Variants in MR1 observed in about 807,000 individuals in gnomAD.
MR1 encodes major histocompatibility complex, class I-related.
A neutral mutation model predicts 37.8 loss-of-function variants in MR1; 44 were observed. That is an observed-to-expected ratio of 1.16 (90% CI 0.91 to 1.50). The LOEUF is 1.50. Among genes scored for constraint, MR1 ranks in the 40% most tolerant of loss-of-function variants. The probability of loss-of-function intolerance (pLI) is 0.00; values close to 1 mark genes in which losing one functional copy is unlikely to be tolerated. For missense variants in MR1, 386 were observed against 419.1 expected (o/e 0.92, Z 0.69); for synonymous variants, 153 against 155.8 (o/e 0.98, Z 0.13).
At chr1:181,042,290 C>T (rs556739156) in intron 1 of MR1, among the ~76,000 whole-genome samples, 32 of 151,022 alleles carry the variant, frequency 2.1e-4, no homozygotes, top group African/African-American at 7.8e-4. Context: ...ACAACCTCCA[C>T]CTCCCAGGTT....
Position 181,050,251 on chromosome 1 carries a change from T to G in MR1, c.569T>G (p.Phe190Cys), listed in dbSNP as rs1393402286. 1 of 1,614,108 alleles carries G rather than the reference T, an allele frequency of 6.2e-7. No homozygotes were observed. Among genetic ancestry groups the G allele is most frequent in the Non-Finnish European group, 8.5e-7 (1 of 1,180,044 alleles). Residue 190 changes from phenylalanine (F) to cysteine (C), a missense_variant, in exon 3 of 6, where the codon TTC becomes TGC. Coordinates refer to ENST00000367580, the MANE Select transcript of MR1 (RefSeq NM_001385161.1). ...GAATGTATTGCCTGGCTAAAGAGAT[T>G]CCTGGAGTATGGGAAAGACACCCTA... ...EEECIAWLKR[F>C]LEYGKDTLQR...
At chr1:181,050,424 C>A in intron 3 of MR1, 138 bp downstream of exon 3, 1 of 1,125,350 alleles carries the variant, frequency 8.9e-7, no homozygotes. Context: ...ATGGCTAGAG[C>A]CCCCACGAAA....
chr1:181,047,975 T>G (rs1658004315), intron 1 of MR1, among the ~76,000 whole-genome samples: 1 of 151,446 alleles, frequency 6.6e-6, no homozygotes, highest in African/African-American at 2.4e-5. Flanking sequence ...CCCAGCACTT[T>G]GGGAGGCCGA....
intron 5 of MR1, 108 bp downstream of exon 5, chr1:181,053,785 C>G: frequency 1.2e-6 from 1 of 809,530 alleles, no homozygotes; most frequent in Non-Finnish European, 2.1e-6. Flanking sequence ...TGGCTTGGCT[C>G]TCAGGCTGGG....
At chr1:181,045,948 G>A (rs923393790) in intron 1 of MR1, among the ~76,000 whole-genome samples, 3 of 152,258 alleles carry the variant, frequency 2.0e-5, no homozygotes, top group African/African-American at 4.8e-5. Context: ...CTGCCGGCCC[G>A]GGCAATGAGG....
rs747614593 is a variant in MR1, at chr1:181,049,200, G to A, written c.216G>A (p.Met72Ile). The A allele has an allele frequency of 6.2e-7, 1 of 1,614,206 alleles. No individual in the cohort carries two copies. Residue 72 changes from methionine (M) to isoleucine (I), a missense_variant, in exon 2 of 6, where the codon ATG (methionine) becomes ATA (isoleucine). Coordinates refer to ENST00000367580, the MANE Select transcript of MR1 (RefSeq NM_001385161.1). The stretch of plus-strand genomic sequence containing the variant: ...AGAAGGAGCCACGGGCCCCATGGAT[G>A]GCAGAGAACCTCGCGCCTGATCACT... The part of the protein sequence containing the change: ...TRQKEPRAPW[M>I]AENLAPDHWE...
intron 1 of MR1, among the ~76,000 whole-genome samples, chr1:181,035,411 T>C (rs772587817): frequency 6.6e-6 from 1 of 152,120 alleles, no homozygotes; most frequent in African/African-American, 2.4e-5. Flanking sequence ...CTTTGGGGGA[T>C]ATGGCAGCGA....
intron 1 of MR1, among the ~76,000 whole-genome samples, chr1:181,040,766 T>TAAA (rs1024735712): frequency 7.3e-6 from 1 of 137,796 alleles, no homozygotes; most frequent in East Asian, 2.1e-4. Flanking sequence ...AGATTGAAGT[T>TAAA]AAAAAAAAAA....
chr1:181,050,477 A>G lies in MR1; in HGVS notation c.604+191A>G, dbSNP rs187308863. On this transcript the variant is annotated intron_variant, in intron 3 of 5. Transcript: ENST00000367580. Reference sequence around the variant, plus strand: ...TTGAGCAGCATCTTGACAAGATTTGACAGTTCCCCTTGTCTTGACAGAGTG... The same window carrying G: ...TTGAGCAGCATCTTGACAAGATTTGGCAGTTCCCCTTGTCTTGACAGAGTG... The G allele has an allele frequency of 9.5e-5, 64 of 670,954 alleles. 1 individual carries two copies. The highest frequency in any genetic ancestry group is 2.6e-4 in the Admixed American group (9 of 34,848). 41.6% of individuals were successfully genotyped at this position (670,954 alleles called of 1,614,324 possible). A position where few individuals can be genotyped will look rare whatever the true frequency, so the allele number is the denominator to read the frequency against.
chr1:181,052,668 C>A (rs1658388506), intron 4 of MR1, among the ~76,000 whole-genome samples, 158 bp downstream of exon 4: 1 of 152,148 alleles, frequency 6.6e-6, no homozygotes, highest in African/African-American at 2.4e-5. Flanking sequence ...CTTTTTGGAA[C>A]CAGGACGCCT....
intron 4 of MR1, 76 bp from the exon 5 acceptor site, chr1:181,053,497 A>G (rs925942252): frequency 9.0e-7 from 1 of 1,106,144 alleles, no homozygotes; most frequent in Non-Finnish European, 1.4e-6. Context: ...TGATGATCAC[A>G]GGGACAAAAG....
intron 3 of MR1, among the ~76,000 whole-genome samples, chr1:181,051,925 C>T (rs898394897): frequency 1.3e-5 from 2 of 152,136 alleles, no homozygotes; most frequent in African/African-American, 4.8e-5. Context: ...TTTTCCTTGA[C>T]ACATAAAGGT....
At chr1:181,051,308 G>A (rs774732158) in intron 3 of MR1, 2 of 151,754 alleles carry the variant, frequency 1.3e-5, no homozygotes, top group Non-Finnish European at 2.9e-5. Context: ...AAAGGATCTT[G>A]GATTAATTTC....
At chr1:181,050,330 C>CTG in intron 3 of MR1, 44 bp downstream of exon 3, 1 of 1,610,030 alleles carries the variant, frequency 6.2e-7, no homozygotes, top group Non-Finnish European at 8.5e-7. Context: ...GCCTGAACAA[C>CTG]TGTTTTTATA....
chr1:181,050,592 A>G, intron 3 of MR1: 1 of 377,866 alleles, frequency 2.6e-6, no homozygotes, highest in South Asian at 2.5e-5. Context: ...TCTTTGGGAG[A>G]TAGAGCAATT....
Position 181,057,950 on chromosome 1 carries a change from T to C in MR1, c.*2685T>C, listed in dbSNP as rs7541386. ...GCTTGAACCCGGGAGGCAGAGGTTG[T>C]GGTGAGCCGAGATCGCGCCATCGCA... On this transcript the variant is annotated 3_prime_UTR_variant, in exon 6 of 6. Transcript: ENST00000367580. 100,661 of 152,190 alleles carry C rather than the reference T, an allele frequency of 0.66. 34,189 individuals are homozygous for C. The highest frequency in any genetic ancestry group is 0.92 in the East Asian group (4,767 of 5,196). The allele number at this position is 152,190 out of a possible 1,614,324, so 9.4% of individuals were successfully genotyped here.
chr1:181,048,757 C>T (rs1658088885), intron 1 of MR1, among the ~76,000 whole-genome samples: 1 of 152,210 alleles, frequency 6.6e-6, no homozygotes, highest in Admixed American at 6.5e-5. Context: ...TCCCTTCCCC[C>T]TACAACCATA....
chr1:181,036,642 G>A (rs541018321), intron 1 of MR1, among the ~76,000 whole-genome samples: 1 of 152,184 alleles, frequency 6.6e-6, no homozygotes, highest in Non-Finnish European at 1.5e-5. Flanking sequence ...TCCACAGCCT[G>A]CAGTTGACTC....
Position 181,055,417 on chromosome 1 carries a change from G to A in MR1, c.*152G>A. The A allele has an allele frequency of 1.5e-6, 1 of 661,738 alleles. No individual in the cohort carries two copies. The highest frequency in any genetic ancestry group is 2.6e-6 in the Non-Finnish European group (1 of 380,820). The allele number at this position is 661,738 out of a possible 1,614,324, so 41.0% of individuals were successfully genotyped here. A position where few individuals can be genotyped will look rare whatever the true frequency, so the allele number is the denominator to read the frequency against. The stretch of plus-strand genomic sequence containing the variant: ...GAGCATTTATGGCAGCAACAGAGGA[G>A]CCACAAAATGTTCTTTGTTCTTTGG... On this transcript the variant is annotated 3_prime_UTR_variant, in exon 6 of 6. Coordinates refer to ENST00000367580, the MANE Select transcript of MR1 (RefSeq NM_001385161.1).
Sources: gnomAD v4.1 joint callset for allele counts (sites outside exome capture counted in the v4.1 genomes callset) on GRCh38, gnomAD v4.1.1 for gene constraint, MANE v1.5 for transcripts, NCBI Gene and HGNC (gene_info 2026-07-23, HGNC 2026-07-21) for gene names.